The following BCL7C variants were observed in gnomAD, a reference collection of about 807,000 sequenced individuals.
BCL7C encodes B-cell CLL/lymphoma 7 protein family member C.
Under a neutral mutation model 26.2 loss-of-function variants are expected in BCL7C, and 8 were observed. The ratio of observed to expected loss-of-function variants is 0.30; its 90% CI spans 0.18 to 0.55. The LOEUF (loss-of-function observed/expected upper bound fraction) is 0.55, where lower values mean the gene tolerates loss of function less well. Among genes scored for constraint, BCL7C ranks in the 20% least tolerant of loss-of-function variants. The probability of loss-of-function intolerance (pLI) is 0.93; values close to 1 mark genes in which losing one functional copy is unlikely to be tolerated. For missense variants in BCL7C, 262 were observed against 298.5 expected, an observed-to-expected ratio of 0.88 and a Z score of 0.90; for synonymous variants, 90 against 116.5, an observed-to-expected ratio of 0.77 and a Z score of 1.47.
At position 30,892,830 on chromosome 16, in the gene BCL7C, C is replaced by G. The variant is rs759739682; in HGVS notation, c.280+10G>C. 1 of 1,613,616 alleles carries G rather than the reference C, an allele frequency of 6.2e-7. No individual in the cohort carries two copies. The highest frequency in any genetic ancestry group is 8.5e-7 in the Non-Finnish European group (1 of 1,179,936). On this transcript the variant is annotated intron_variant, in intron 3 of 5. Coordinates refer to ENST00000215115, the MANE Select transcript of BCL7C (RefSeq NM_004765.4). ...CCCACAGCCCCCCGCGTTTCAGGAT[C>G]CCTACCTACCATTAAGATCCAGCAG...
intron 5 of BCL7C, among the ~76,000 whole-genome samples, chr16:30,841,758 A>G (rs1167915480): frequency 2.0e-5 from 3 of 151,922 alleles, no homozygotes; most frequent in African/African-American, 7.3e-5. Context: ...GATCAAGACC[A>G]TCCTGGCTAA....
chr16:30,865,148 G>A (rs952615335), intron 5 of BCL7C, among the ~76,000 whole-genome samples: 14 of 146,644 alleles, frequency 9.5e-5, no homozygotes, highest in Admixed American at 6.2e-4. Flanking sequence ...ATCCAGCCTG[G>A]GCAACGGAGC....
At chr16:30,865,816 T>A (rs1003525838) in intron 5 of BCL7C, among the ~76,000 whole-genome samples, 1 of 140,748 alleles carries the variant, frequency 7.1e-6, no homozygotes, top group Admixed American at 7.5e-5. Flanking sequence ...AACCTCCACC[T>A]CCCAGGTTCA....
intron 4 of BCL7C, among the ~76,000 whole-genome samples, chr16:30,890,644 G>T (rs1164960282): frequency 6.6e-6 from 1 of 152,128 alleles, no homozygotes; most frequent in Non-Finnish European, 1.5e-5. Flanking sequence ...GAGGTCAGGG[G>T]TACGAGACTA....
Position 30,834,907 on chromosome 16 carries a change from A to G in BCL7C, c.*41T>C, listed in dbSNP as rs1167398920. ...GTAGTGGCTGGATCTTGGGGCAGCC[A>G]AGGGAGGCTTTAGGGGTCTTGGCTT... On this transcript the variant is annotated 3_prime_UTR_variant, in exon 6 of 6. Transcript: ENST00000380317. The surrounding 1 kb of genome is among the most constrained non-coding windows in gnomAD (Gnocchi z 4.3). The G allele has an allele frequency of 6.8e-7, 1 of 1,462,324 alleles. No individual in the cohort carries two copies. Among genetic ancestry groups the G allele is most frequent in the Non-Finnish European group, 9.1e-7 (1 of 1,101,134 alleles). The allele number at this position is 1,462,324 out of a possible 1,614,324, so 90.6% of individuals were successfully genotyped here.
chr16:30,887,874 AG>A lies in BCL7C; in HGVS notation c.644del (p.Pro215LeufsTer27). The A allele has an allele frequency of 5.0e-6, 8 of 1,590,396 alleles. No homozygotes were observed. The highest frequency in any genetic ancestry group is 6.8e-6 in the Non-Finnish European group (8 of 1,169,932). ...CAGGCAGGCCGGCTTCTCAGGGGTCAGGGGCATTTGGGCAGATGCGCTTGAG... is the reference window on the plus strand; with the variant it reads ...CAGGCAGGCCGGCTTCTCAGGGGTCAGGGCATTTGGGCAGATGCGCTTGAG... ...PPLKRICPNAPDP is the reference protein window; with the variant it reads ...PPLKRICPNAXDP On this transcript the variant is annotated frameshift_variant, in exon 6 of 6. Transcript: ENST00000215115. LOFTEE classifies it high-confidence loss of function.
chr16:30,856,058 T>C, intron 5 of BCL7C, among the ~76,000 whole-genome samples: 1 of 123,704 alleles, frequency 8.1e-6, no homozygotes, highest in East Asian at 2.4e-4. Flanking sequence ...CAAGACTCCA[T>C]CTAAAAAAAA....
intron 5 of BCL7C, among the ~76,000 whole-genome samples, chr16:30,854,520 C>T (rs2054702515): frequency 6.6e-6 from 1 of 152,118 alleles, no homozygotes. Context: ...GCGTTGAAAC[C>T]TGGCATTGAC....
At position 30,838,379 on chromosome 16, in the gene BCL7C, G is replaced by A. The variant is rs115141423; in HGVS notation, c.529-3231C>T. Among the ~76,000 whole-genome samples the A allele has an allele frequency of 1.9e-3, 292 of 152,352 alleles. 1 individual carries two copies. The highest frequency in any genetic ancestry group is 5.9e-3 in the African/African-American group (247 of 41,592). The stretch of plus-strand genomic sequence containing the variant: ...AGGTAGCTAGGTAGGTAGGTAGATA[G>A]ATAGATAGAGGCACTGAGTAACGTT... On this transcript the variant is annotated intron_variant, in intron 5 of 5. Coordinates refer to the BCL7C transcript ENST00000380317.
chr16:30,840,738 T>C (rs2054596717), intron 5 of BCL7C: 1 of 152,204 alleles, frequency 6.6e-6, no homozygotes, highest in Admixed American at 6.6e-5. Flanking sequence ...CTTACAGTCA[T>C]GGCGGAAGGG....
rs184756836 is a variant in BCL7C, at chr16:30,855,818, T to G, written c.529-20670A>C. On this transcript the variant is annotated intron_variant, in intron 5 of 5. Coordinates refer to the BCL7C transcript ENST00000380317. ...GCTCATGCCTGTAATCCCAGCACTT[T>G]GGGAGGCTGAGGCAGGTGGATCACC... 1.8e-4 allele frequency among the ~76,000 whole-genome samples: 28 copies of G among 151,860 alleles called. No homozygotes were observed. The East Asian group carries it at 5.5e-3, about 30-fold the overall frequency.
At chr16:30,841,823 T>A (rs1731832129) in intron 5 of BCL7C, among the ~76,000 whole-genome samples, 1 of 151,694 alleles carries the variant, frequency 6.6e-6, no homozygotes, top group African/African-American at 2.4e-5. Flanking sequence ...GGCGTGGTGG[T>A]GGGCACCTGT....
At chr16:30,840,824 A>T (rs1236923864) in intron 5 of BCL7C, 1 of 152,148 alleles carries the variant, frequency 6.6e-6, no homozygotes, top group Non-Finnish European at 1.5e-5. Flanking sequence ...CCCTTATAAA[A>T]CTACCAGATC....
intron 5 of BCL7C, among the ~76,000 whole-genome samples, chr16:30,859,987 C>A (rs1297121541): frequency 2.6e-5 from 4 of 152,216 alleles, no homozygotes; most frequent in Admixed American, 1.3e-4. Flanking sequence ...TCAGACCAAC[C>A]AGCCCAAGGA....
At chr16:30,860,851 C>T (rs1482275522) in intron 5 of BCL7C, among the ~76,000 whole-genome samples, 1 of 152,136 alleles carries the variant, frequency 6.6e-6, no homozygotes, top group East Asian at 1.9e-4. Flanking sequence ...TCCCCTCCTT[C>T]CCAGGCTGCT....
chr16:30,866,897 T>C (rs2054834582), intron 5 of BCL7C, among the ~76,000 whole-genome samples: 1 of 151,918 alleles, frequency 6.6e-6, no homozygotes, highest in Admixed American at 6.6e-5. Context: ...CTACAAAAAG[T>C]TTAAAAATCA....
chr16:30,891,970 G>A lies in BCL7C; in HGVS notation c.442+616C>T, dbSNP rs186822603. 5.3e-5 allele frequency among the ~76,000 whole-genome samples: 8 copies of A among 149,714 alleles called. No homozygotes were observed. The East Asian group carries it at 8.1e-4, about 15-fold the overall frequency. ...CAGAGACCTTGTCTCTAAAAAAAAGGGGGGGGAGGGCCGGGTGTGGGTGTG... is the reference window on the plus strand; with the variant it reads ...CAGAGACCTTGTCTCTAAAAAAAAGAGGGGGGAGGGCCGGGTGTGGGTGTG... On this transcript the variant is annotated intron_variant, in intron 4 of 5. Transcript: ENST00000215115.
At chr16:30,877,686 G>A (rs1470647930) in intron 5 of BCL7C, among the ~76,000 whole-genome samples, 1 of 151,652 alleles carries the variant, frequency 6.6e-6, no homozygotes, top group Admixed American at 6.6e-5. Flanking sequence ...TGATCCACCC[G>A]CCTCGGCCTC....
intron 5 of BCL7C, among the ~76,000 whole-genome samples, chr16:30,863,052 C>T (rs1365599303): frequency 6.6e-6 from 1 of 152,128 alleles, no homozygotes; most frequent in Non-Finnish European, 1.5e-5. Flanking sequence ...CTGTTTTAGG[C>T]TGGCCCCCCC....
Sources: gnomAD v4.1 joint callset for allele counts (sites outside exome capture counted in the v4.1 genomes callset) on GRCh38, gnomAD v4.1.1 for gene constraint, Gnocchi (gnomAD v3.1) non-coding constraint, MANE v1.5 for transcripts, NCBI Gene and HGNC (gene_info 2026-07-23, HGNC 2026-07-21) for gene names.